METTL15: variants seen among roughly 807,000 people sequenced by gnomAD.
METTL15 encodes methyltransferase 15, mitochondrial 12S rRNA N4-cytidine, also known as 12S rRNA N(4)-cytidine methyltransferase METTL15.
Under a neutral mutation model 38.3 loss-of-function variants are expected in METTL15, and 34 were observed. The ratio of observed to expected loss-of-function variants is 0.89; its 90% CI spans 0.68 to 1.18. The LOEUF is 1.18. Ranked by LOEUF, METTL15 falls within the 50% of genes most tolerant of loss-of-function variation. METTL15 has a pLI of 0.00. For synonymous variants in METTL15, 162 were observed against 170.9 expected (o/e 0.95, Z 0.41); for missense variants, 438 against 498.4 (o/e 0.88, Z 1.15).
chr11:28,445,378 CT>C (rs35751295), intron 6 of METTL15, among the ~76,000 whole-genome samples: 3 of 152,006 alleles, frequency 2.0e-5, no homozygotes, highest in Admixed American at 6.6e-5. Context: ...GCCTTAGTTT[CT>C]TTTTTAAGAA....
chr11:28,277,772 T>C (rs922324357), intron 4 of METTL15, among the ~76,000 whole-genome samples: 1 of 152,150 alleles, frequency 6.6e-6, no homozygotes, highest in African/African-American at 2.4e-5. Context: ...TAGAGGTCCT[T>C]ATCTTATTTG....
rs147041977 is a variant in METTL15, at chr11:28,238,835, C to T, written c.407+27637C>T. 2.6e-5 allele frequency among the ~76,000 whole-genome samples: 4 copies of T among 152,322 alleles called. No individual in the cohort carries two copies. The East Asian group carries it at 7.7e-4, about 29-fold the overall frequency. On this transcript the variant is annotated intron_variant, in intron 4 of 6. Transcript: ENST00000407364. ...CTACCAAAACTCCTTTTGTCAAAGA[C>T]TCCAGTGATATCCACAATGCCAAAT...
At chr11:28,251,882 C>T (rs1381718528) in intron 4 of METTL15, among the ~76,000 whole-genome samples, 1 of 152,064 alleles carries the variant, frequency 6.6e-6, no homozygotes, top group Admixed American at 6.6e-5. Flanking sequence ...TGGTGAGACA[C>T]TTTGTAAGTA....
chr11:28,319,042 T>A (rs183849135), intron 6 of METTL15, among the ~76,000 whole-genome samples: 2 of 152,324 alleles, frequency 1.3e-5, no homozygotes, highest in East Asian at 3.9e-4. Flanking sequence ...ACCACAGCAG[T>A]TGCTGCCTTC....
intron 3 of METTL15, among the ~76,000 whole-genome samples, chr11:28,191,380 A>T (rs1851695131): frequency 1.3e-5 from 2 of 151,288 alleles, no homozygotes; most frequent in African/African-American, 4.8e-5. Context: ...AGGAAGATTT[A>T]AAAAAATCCC....
At chr11:28,177,519 T>C (rs1178519973) in intron 3 of METTL15, among the ~76,000 whole-genome samples, 1 of 152,106 alleles carries the variant, frequency 6.6e-6, no homozygotes, top group East Asian at 1.9e-4. Context: ...ATATGAAATA[T>C]GGCAATGTAG....
At chr11:28,407,683 T>C (rs1850685792) in intron 5 of METTL15, among the ~76,000 whole-genome samples, 1 of 152,220 alleles carries the variant, frequency 6.6e-6, no homozygotes, top group South Asian at 2.1e-4. Flanking sequence ...TGTGCAGAAA[T>C]AGGAATGCTT....
At chr11:28,501,033 T>A (rs1851578592) in intron 6 of METTL15, among the ~76,000 whole-genome samples, 1 of 152,234 alleles carries the variant, frequency 6.6e-6, no homozygotes, top group African/African-American at 2.4e-5. Flanking sequence ...ATACTAAATA[T>A]CTTTTATTCT....
chr11:28,381,898 T>G (rs1223856419), intron 5 of METTL15, among the ~76,000 whole-genome samples: 1 of 152,000 alleles, frequency 6.6e-6, no homozygotes, highest in Non-Finnish European at 1.5e-5. Flanking sequence ...AAGGTCAAAT[T>G]TTATGGTTTC....
At chr11:28,464,589 A>G (rs1423019519) in intron 6 of METTL15, among the ~76,000 whole-genome samples, 2 of 152,294 alleles carry the variant, frequency 1.3e-5, no homozygotes, top group East Asian at 3.9e-4. Flanking sequence ...CCTTTTGAAA[A>G]CTGTGAAACA....
chr11:28,426,901 C>G (rs1850870586), intron 6 of METTL15, among the ~76,000 whole-genome samples: 1 of 151,886 alleles, frequency 6.6e-6, no homozygotes, highest in South Asian at 2.1e-4. Flanking sequence ...ACAGTTCACT[C>G]TGATGATAGG....
intron 3 of METTL15, among the ~76,000 whole-genome samples, chr11:28,199,625 T>A (rs1852034026): frequency 6.6e-6 from 1 of 152,160 alleles, no homozygotes; most frequent in Admixed American, 6.6e-5. Context: ...TGCTTATTTC[T>A]GTGCCTATCT....
intron 3 of METTL15, among the ~76,000 whole-genome samples, chr11:28,155,740 T>C (rs552554114): frequency 2.0e-5 from 3 of 152,228 alleles, no homozygotes; most frequent in Non-Finnish European, 4.4e-5. Context: ...TCTTTGAGTA[T>C]AATGAGGATA....
At chr11:28,345,608 G>A (rs1277898176) in intron 3 of METTL15, among the ~76,000 whole-genome samples, 3 of 152,208 alleles carry the variant, frequency 2.0e-5, no homozygotes, top group Admixed American at 6.5e-5. Context: ...GATGGAATCT[G>A]TGTTCTCTGA....
intron 4 of METTL15, among the ~76,000 whole-genome samples, chr11:28,354,551 G>C (rs991258710): frequency 2.0e-5 from 3 of 152,058 alleles, no homozygotes; most frequent in African/African-American, 7.2e-5. Context: ...CTATTGAATT[G>C]GTCTGAGAGT....
chr11:28,219,109 G>C (rs1392982930), intron 4 of METTL15, among the ~76,000 whole-genome samples: 1 of 152,086 alleles, frequency 6.6e-6, no homozygotes, highest in Non-Finnish European at 1.5e-5. Context: ...TTTTTCTATT[G>C]ATTGGAATAG....
chr11:28,111,340 T>C (rs1851710627), intron 2 of METTL15, among the ~76,000 whole-genome samples: 1 of 152,216 alleles, frequency 6.6e-6, no homozygotes, highest in South Asian at 2.1e-4. Context: ...ATGATACTAC[T>C]TTTCTTTTTA....
At chr11:28,150,504 A>G (rs189767040) in intron 3 of METTL15, among the ~76,000 whole-genome samples, 2 of 152,092 alleles carry the variant, frequency 1.3e-5, no homozygotes, top group East Asian at 1.9e-4. Flanking sequence ...GAAGAAAATT[A>G]AAAGGAGAAA....
intron 5 of METTL15, among the ~76,000 whole-genome samples, chr11:28,411,464 G>A (rs548913984): frequency 6.6e-6 from 1 of 152,062 alleles, no homozygotes; most frequent in South Asian, 2.1e-4. Flanking sequence ...TTCAGCAAGG[G>A]CATCAAGAAG....
Sources: allele counts gnomAD v4.1 joint callset (sites outside exome capture counted in the v4.1 genomes callset), GRCh38; gene constraint gnomAD v4.1.1; transcripts MANE v1.5; gene names NCBI Gene and HGNC (gene_info 2026-07-23, HGNC 2026-07-21).